Variants in ATAD2B observed in about 807,000 individuals in gnomAD.
ATAD2B encodes ATPase family AAA domain-containing protein 2B.
Under a neutral mutation model 167.6 loss-of-function variants are expected in ATAD2B, and 40 were observed. The ratio of observed to expected loss-of-function variants is 0.24; its 90% CI spans 0.19 to 0.31. The LOEUF (loss-of-function observed/expected upper bound fraction) is 0.31. Among genes scored for constraint, ATAD2B ranks in the 10% least tolerant of loss-of-function variants. The pLI is 1.00. For synonymous variants in ATAD2B, 579 were observed against 596.5 expected (o/e 0.97, Z 0.43); for missense variants, 1,242 against 1,757.2 (o/e 0.71, Z 5.24).
chr2:23,840,416 G>A (rs1690697283), intron 13 of ATAD2B, among the ~76,000 whole-genome samples: 1 of 152,144 alleles, frequency 6.6e-6, no homozygotes, highest in East Asian at 1.9e-4. Flanking sequence ...TTTTTTCAAA[G>A]AACCAACTTT....
intron 6 of ATAD2B, among the ~76,000 whole-genome samples, chr2:23,884,081 T>A (rs1459055415): frequency 1.3e-5 from 2 of 151,892 alleles, no homozygotes; most frequent in Non-Finnish European, 2.9e-5. Flanking sequence ...GAGGCGGAGG[T>A]TGCAGTGAGC....
At chr2:23,813,462 A>G (rs1341623113) in intron 17 of ATAD2B, among the ~76,000 whole-genome samples, 1 of 151,744 alleles carries the variant, frequency 6.6e-6, no homozygotes, top group Non-Finnish European at 1.5e-5. Context: ...TGAGGGCAGC[A>G]CAGTGGCTCA....
At chr2:23,841,405 C>T (rs1307938100) in intron 13 of ATAD2B, among the ~76,000 whole-genome samples, 2 of 152,060 alleles carry the variant, frequency 1.3e-5, no homozygotes, top group South Asian at 2.1e-4. Flanking sequence ...TAACTATTGT[C>T]GACATTTCAT....
chr2:23,886,710 T>A (rs1448671122), intron 4 of ATAD2B, among the ~76,000 whole-genome samples: 3 of 151,778 alleles, frequency 2.0e-5, no homozygotes, highest in Admixed American at 1.3e-4. Flanking sequence ...GGCAGGCGGA[T>A]CACGAGGTCA....
At chr2:23,686,368 A>G in the ATAD2B span, among the ~76,000 whole-genome samples, 1 of 151,852 alleles carries the variant, frequency 6.6e-6, no homozygotes, top group South Asian at 2.1e-4. Flanking sequence ...CAGGTAGGAG[A>G]CCTGGGTCCT....
At chr2:23,872,717 A>C in intron 8 of ATAD2B, 1 of 1,141,166 alleles carries the variant, frequency 8.8e-7, no homozygotes, top group Non-Finnish European at 1.3e-6. Context: ...TGCTTTACTG[A>C]GATCAGTCAG....
At chr2:23,869,589 C>A in intron 9 of ATAD2B, 74 bp downstream of exon 9, 1 of 1,009,524 alleles carries the variant, frequency 9.9e-7, no homozygotes, top group South Asian at 1.4e-5. Flanking sequence ...TCAATGTTAG[C>A]AAAGAAAATC....
intron 18 of ATAD2B, among the ~76,000 whole-genome samples, chr2:23,808,551 T>C (rs1286621194): frequency 2.0e-5 from 3 of 152,266 alleles, no homozygotes; most frequent in East Asian, 1.9e-4. Flanking sequence ...TAACTTATTA[T>C]AGTATTTATA....
chr2:23,726,271 T>C, the ATAD2B span, among the ~76,000 whole-genome samples: 1 of 152,210 alleles, frequency 6.6e-6, no homozygotes, highest in Non-Finnish European at 1.5e-5. Flanking sequence ...GACTCCTGTG[T>C]AGTCAAAAAT....
intron 19 of ATAD2B, among the ~76,000 whole-genome samples, chr2:23,795,111 A>T (rs1043115318): frequency 2.6e-5 from 4 of 152,056 alleles, no homozygotes; most frequent in African/African-American, 7.2e-5. Flanking sequence ...AATGAGGTTT[A>T]TTTTCTGATT....
the ATAD2B span, among the ~76,000 whole-genome samples, chr2:23,721,508 G>C: frequency 6.6e-6 from 1 of 151,684 alleles, no homozygotes; most frequent in African/African-American, 2.4e-5. Flanking sequence ...CAGGCCAGCT[G>C]AACAGCTGTG....
intron 12 of ATAD2B, among the ~76,000 whole-genome samples, chr2:23,862,654 A>G (rs990609475): frequency 1.3e-5 from 2 of 152,160 alleles, no homozygotes; most frequent in Non-Finnish European, 1.5e-5. Context: ...AGTCCACATG[A>G]TATTTATTCA....
chr2:23,797,647 C>T (rs966656454), intron 19 of ATAD2B, among the ~76,000 whole-genome samples: 3 of 152,004 alleles, frequency 2.0e-5, no homozygotes, highest in Non-Finnish European at 2.9e-5. Context: ...ATATATATAA[C>T]GAGATTATCT....
At chr2:23,910,722 G>C (rs1702166979) in intron 1 of ATAD2B, among the ~76,000 whole-genome samples, 1 of 151,412 alleles carries the variant, frequency 6.6e-6, no homozygotes, top group Admixed American at 6.6e-5. Context: ...ACAAAAATTA[G>C]CTGGGCGTGG....
At chr2:23,684,363 G>A in the ATAD2B span, 4 of 1,343,808 alleles carry the variant, frequency 3.0e-6, no homozygotes, top group Admixed American at 1.4e-4. The surrounding 1 kb of genome is among the most constrained non-coding windows in gnomAD (Gnocchi z 4.4). Flanking sequence ...AACTCTTAAT[G>A]GGAACCTGGC....
At chr2:23,802,921 T>G (rs1446970984) in intron 18 of ATAD2B, among the ~76,000 whole-genome samples, 1 of 152,120 alleles carries the variant, frequency 6.6e-6, no homozygotes, top group African/African-American at 2.4e-5. Context: ...ATTCACCTTT[T>G]GAAATTATTC....
At chr2:23,777,700 T>C (rs957461042) in intron 22 of ATAD2B, among the ~76,000 whole-genome samples, 1 of 152,094 alleles carries the variant, frequency 6.6e-6, no homozygotes, top group Middle Eastern at 3.2e-3. Flanking sequence ...ATATAGCATA[T>C]GAATAGGCCT....
intron 12 of ATAD2B, 116 bp downstream of exon 12, chr2:23,863,265 C>T (rs369958729): frequency 1.7e-5 from 17 of 972,616 alleles, no homozygotes; most frequent in African/African-American, 1.2e-4. Flanking sequence ...GACGAGATCA[C>T]GCTATTGCAC....
intron 22 of ATAD2B, among the ~76,000 whole-genome samples, chr2:23,767,047 T>C (rs1302100061): frequency 6.6e-6 from 1 of 152,222 alleles, no homozygotes; most frequent in Non-Finnish European, 1.5e-5. Context: ...AAATTTCTTT[T>C]CAAAGAATCA....
Sources: gnomAD v4.1 joint callset for allele counts (sites outside exome capture counted in the v4.1 genomes callset) on GRCh38, gnomAD v4.1.1 for gene constraint, Gnocchi (gnomAD v3.1) non-coding constraint, MANE v1.5 for transcripts, NCBI Gene and HGNC (gene_info 2026-07-23, HGNC 2026-07-21) for gene names.